SUPT3H: variants seen among roughly 807,000 people sequenced by gnomAD.
The protein encoded by SUPT3H is transcription initiation protein SPT3 homolog.
SUPT3H carries 44 observed loss-of-function variants against 44.3 expected under a neutral mutation model. The ratio of observed to expected loss-of-function variants is 0.99; its 90% CI spans 0.78 to 1.28. The LOEUF (loss-of-function observed/expected upper bound fraction) is 1.28, where lower values mean the gene tolerates loss of function less well. Ranked by LOEUF, SUPT3H falls within the 50% of genes most tolerant of loss-of-function variation. The pLI is 0.00. For synonymous variants in SUPT3H, 124 were observed against 125.6 expected, an observed-to-expected ratio of 0.99 and a Z score of 0.09; for missense variants, 380 against 387.1, an observed-to-expected ratio of 0.98 and a Z score of 0.15.
intron 10 of SUPT3H, among the ~76,000 whole-genome samples, chr6:44,851,275 A>G (rs1373362483): frequency 2.0e-5 from 3 of 152,246 alleles, no homozygotes; most frequent in Non-Finnish European, 4.4e-5. Context: ...TCTAAGGAAT[A>G]AAAAGAGTTT....
intron 10 of SUPT3H, among the ~76,000 whole-genome samples, chr6:44,908,154 CTTT>C (rs70993481): frequency 3.7e-5 from 5 of 136,942 alleles, no homozygotes; most frequent in Admixed American, 7.6e-5. Context: ...TTTTTCTTTT[CTTT>C]TTTTTTTTTT....
intron 3 of SUPT3H, among the ~76,000 whole-genome samples, chr6:45,031,396 A>G (rs1786916797): frequency 1.3e-5 from 2 of 152,218 alleles, no homozygotes; most frequent in Non-Finnish European, 2.9e-5. Flanking sequence ...ACATGTCTGT[A>G]CATCACTAGA....
intron 2 of SUPT3H, among the ~76,000 whole-genome samples, chr6:45,172,573 A>C (rs960525598): frequency 8.9e-5 from 13 of 145,718 alleles, no homozygotes; most frequent in African/African-American, 2.6e-4. Context: ...GTCTGAAAAT[A>C]AATCCTTAAA....
At chr6:44,832,472 C>A (rs1768992727) in intron 10 of SUPT3H, among the ~76,000 whole-genome samples, 1 of 152,090 alleles carries the variant, frequency 6.6e-6, no homozygotes, top group Non-Finnish European at 1.5e-5. Flanking sequence ...ATAGCTTAAT[C>A]AATAACACAA....
chr6:44,896,980 T>A (rs192625333), intron 10 of SUPT3H, among the ~76,000 whole-genome samples: 1 of 152,300 alleles, frequency 6.6e-6, no homozygotes, highest in Non-Finnish European at 1.5e-5. Flanking sequence ...TAATGCTAAA[T>A]CTATTTCTGA....
At chr6:45,296,933 GAAAA>G (rs370015187) in intron 2 of SUPT3H, among the ~76,000 whole-genome samples, 2,451 of 55,260 alleles carry the variant, frequency 0.044, 50 homozygotes, top group South Asian at 0.15. Flanking sequence ...TCTGTCTCAA[GAAAA>G]AAAAAAAAAG....
chr6:45,103,765 G>A (rs950760826), intron 3 of SUPT3H, among the ~76,000 whole-genome samples: 4 of 151,908 alleles, frequency 2.6e-5, no homozygotes, highest in Admixed American at 2.0e-4. Context: ...AGAAAATAAC[G>A]ATTTCAAAAA....
At chr6:44,894,802 C>A (rs1264487305) in intron 10 of SUPT3H, among the ~76,000 whole-genome samples, 1 of 151,374 alleles carries the variant, frequency 6.6e-6, no homozygotes, top group Admixed American at 6.6e-5. Flanking sequence ...GCCAGGAAAA[C>A]CATGTTAATA....
In SUPT3H at chr6:45,295,548, A is replaced by AAAAAAAAAAC. The variant is rs1554330142; in HGVS notation, c.101+69652_101+69653insGTTTTTTTTT. On this transcript the variant is annotated intron_variant, in intron 2 of 10. Coordinates refer to ENST00000371459, the MANE Select transcript of SUPT3H (RefSeq NM_003599.4). ...GCAAAAAAAAAAAAAAAAAAAAAAAAAAAAAACAGCAGAGTCAACAGACAA... is the reference window on the plus strand; with the variant it reads ...GCAAAAAAAAAAAAAAAAAAAAAAAAAAAAAAAAACAAAAAACAGCAGAGTCAACAGACAA... 1.9e-4 allele frequency among the ~76,000 whole-genome samples: 17 copies of AAAAAAAAAAC among 90,216 alleles called. 1 individual carries two copies. The highest frequency in any genetic ancestry group is 3.8e-4 in the African/African-American group (9 of 23,532). The allele number at this position is 90,216 out of a possible 152,430, so 59.2% of individuals were successfully genotyped here. A position where few individuals can be genotyped will look rare whatever the true frequency, so the allele number is the denominator to read the frequency against.
At chr6:45,075,230 A>G (rs1267678383) in intron 3 of SUPT3H, among the ~76,000 whole-genome samples, 2 of 152,092 alleles carry the variant, frequency 1.3e-5, no homozygotes, top group Non-Finnish European at 2.9e-5. Flanking sequence ...CTTTCCACTT[A>G]TGTGCTTGTA....
intron 2 of SUPT3H, among the ~76,000 whole-genome samples, chr6:45,334,126 C>T (rs1327094291): frequency 6.6e-6 from 1 of 151,166 alleles, no homozygotes; most frequent in Non-Finnish European, 1.5e-5. Context: ...CTTAATTATA[C>T]ATTAGTTACA....
intron 4 of SUPT3H, among the ~76,000 whole-genome samples, chr6:45,016,591 G>GTTTTT (rs1784321580): frequency 6.8e-6 from 1 of 146,562 alleles, no homozygotes; most frequent in Non-Finnish European, 1.5e-5. Context: ...AGAACATGCA[G>GTTTTT]TGTTTGGTTT....
chr6:45,249,452 A>C (rs201969484), intron 2 of SUPT3H, among the ~76,000 whole-genome samples: 2 of 106,548 alleles, frequency 1.9e-5, no homozygotes, highest in African/African-American at 4.8e-5. Flanking sequence ...ACAGACACAC[A>C]AAAAAAAAAA....
Position 44,885,449 on chromosome 6 carries a change from G to A in SUPT3H, c.912+47204C>T, listed in dbSNP as rs189195581. On this transcript the variant is annotated intron_variant, in intron 10 of 10. Coordinates refer to ENST00000371459, the MANE Select transcript of SUPT3H (RefSeq NM_003599.4). ...GAGGAACGATCAGACAGCAGCATTC[G>A]CGGTTCACAAAAATCCGCTGTTCTG... Among the ~76,000 whole-genome samples, 778 of 152,168 alleles carry A rather than the reference G, an allele frequency of 5.1e-3. 4 individuals are homozygous for A. The highest frequency in any genetic ancestry group is 0.018 in the African/African-American group (738 of 41,510).
In SUPT3H at chr6:44,846,554, C is replaced by G. The variant is rs758828087; in HGVS notation, c.913-16697G>C. ...AAGACCAGGATAGATGTCTATATTG[C>G]AGGAAACTGAGAAGGGTCTTTGGAG... is the stretch of plus-strand genomic sequence containing the variant. On this transcript the variant is annotated intron_variant, in intron 10 of 10. Transcript: ENST00000371459. Among the ~76,000 whole-genome samples the G allele has an allele frequency of 1.2e-4, 19 of 152,032 alleles. No homozygotes were observed. In the Middle Eastern group the frequency reaches 0.017, roughly 137 times the overall value.
At chr6:45,209,417 T>C (rs996013033) in intron 2 of SUPT3H, among the ~76,000 whole-genome samples, 4 of 152,116 alleles carry the variant, frequency 2.6e-5, no homozygotes, top group African/African-American at 9.7e-5. Flanking sequence ...CAATAGGAGT[T>C]TGGAAGAAGC....
At chr6:45,321,953 G>C in intron 2 of SUPT3H, 3 of 968,178 alleles carry the variant, frequency 3.1e-6, no homozygotes, top group South Asian at 1.6e-5. Context: ...AAATACCTAA[G>C]AAATATTCAT....
At chr6:45,216,416 T>C (rs962244089) in intron 2 of SUPT3H, among the ~76,000 whole-genome samples, 3 of 152,044 alleles carry the variant, frequency 2.0e-5, no homozygotes, top group African/African-American at 7.2e-5. Context: ...AGAAAACAAT[T>C]AACAAAATGA....
intron 2 of SUPT3H, among the ~76,000 whole-genome samples, chr6:45,256,341 T>C (rs1380947578): frequency 2.0e-5 from 3 of 152,196 alleles, no homozygotes; most frequent in Admixed American, 6.5e-5. Context: ...AGTACATTCA[T>C]TGATCTGGTG....
Sources: gnomAD v4.1 joint callset for allele counts (sites outside exome capture counted in the v4.1 genomes callset) on GRCh38, gnomAD v4.1.1 for gene constraint, MANE v1.5 for transcripts, NCBI Gene and HGNC (gene_info 2026-07-23, HGNC 2026-07-21) for gene names.